The following FIRRM variants were observed in gnomAD, a reference collection of about 807,000 sequenced individuals.
The protein encoded by FIRRM is FIGNL1-interacting regulator of recombination and mitosis.
the FIRRM span, chr1:169,798,791 T>A: frequency 2.3e-6 from 1 of 439,932 alleles, no homozygotes; most frequent in East Asian, 3.9e-5. Context: ...GCCAGTAATT[T>A]GAGTCCAATT....
chr1:169,784,550 T>A, the FIRRM span, among the ~76,000 whole-genome samples: 6 of 152,354 alleles, frequency 3.9e-5, no homozygotes, highest in African/African-American at 1.2e-4. Context: ...TGTTTGTCTG[T>A]TTGCTTGCTT....
chr1:169,804,081 G>T, the FIRRM span: 2 of 1,462,436 alleles, frequency 1.4e-6, no homozygotes, highest in South Asian at 1.5e-5. Context: ...TCAGAATAGT[G>T]AATCTGTGTA....
At chr1:169,830,861 TTTTG>T in the FIRRM span, 1 of 982,312 alleles carries the variant, frequency 1.0e-6, no homozygotes, top group Non-Finnish European at 1.6e-6. Context: ...AACAAGATTG[TTTTG>T]ACAGTCTTTG....
At chr1:169,827,463 C>T in the FIRRM span, among the ~76,000 whole-genome samples, 12 of 152,186 alleles carry the variant, frequency 7.9e-5, 1 homozygote, top group East Asian at 3.9e-4. Flanking sequence ...TATGGTGAAA[C>T]GCCATCTCTA....
At chr1:169,820,747 A>G in the FIRRM span, among the ~76,000 whole-genome samples, 1 of 152,186 alleles carries the variant, frequency 6.6e-6, no homozygotes, top group Non-Finnish European at 1.5e-5. Flanking sequence ...TTGGTGCTGC[A>G]GTCTGCTTTT....
At chr1:169,852,776 T>C in the FIRRM span, 43 of 1,612,186 alleles carry the variant, frequency 2.7e-5, no homozygotes, top group Middle Eastern at 1.6e-4. Context: ...ATATTACTTA[T>C]GTTTTTTTTC....
chr1:169,851,673 A>G, the FIRRM span: 3 of 876,842 alleles, frequency 3.4e-6, no homozygotes, highest in Non-Finnish European at 5.3e-6. Flanking sequence ...AGATTATACT[A>G]AGAGTATTTA....
chr1:169,799,338 G>T, the FIRRM span, among the ~76,000 whole-genome samples: 964 of 152,258 alleles, frequency 6.3e-3, 11 homozygotes, highest in African/African-American at 0.022. Flanking sequence ...AAAGCTGATT[G>T]TCTAGGTGAT....
the FIRRM span, among the ~76,000 whole-genome samples, chr1:169,818,344 C>G: frequency 6.6e-6 from 1 of 152,188 alleles, no homozygotes; most frequent in Non-Finnish European, 1.5e-5. Context: ...CAGGCCTTAC[C>G]TAGAATCTGC....
At chr1:169,847,848 C>T in the FIRRM span, 2 of 1,313,682 alleles carry the variant, frequency 1.5e-6, no homozygotes, top group Non-Finnish European at 2.1e-6. Flanking sequence ...AACAAAATCT[C>T]TATAAGAGTT....
chr1:169,821,874 G>A, the FIRRM span: 1 of 585,910 alleles, frequency 1.7e-6, no homozygotes, highest in African/African-American at 1.9e-5. Flanking sequence ...ACTTGATCAA[G>A]TCACATATCT....
the FIRRM span, chr1:169,853,584 A>C: frequency 2.1e-6 from 2 of 934,702 alleles, no homozygotes; most frequent in Non-Finnish European, 3.3e-6. Context: ...CACAGACTGG[A>C]TAATGAGCTC....
the FIRRM span, among the ~76,000 whole-genome samples, chr1:169,847,041 G>C: frequency 1.3e-5 from 2 of 151,890 alleles, no homozygotes; most frequent in African/African-American, 4.8e-5. Flanking sequence ...CCCAAGGAGA[G>C]GGGGAGAGAC....
chr1:169,815,335 A>G, the FIRRM span, among the ~76,000 whole-genome samples: 1 of 151,734 alleles, frequency 6.6e-6, no homozygotes, highest in Admixed American at 6.6e-5. Context: ...TGGTTACTCC[A>G]TAGGTGGAGC....
the FIRRM span, chr1:169,827,594 C>A: frequency 1.8e-6 from 2 of 1,116,550 alleles, no homozygotes; most frequent in South Asian, 1.4e-5. Flanking sequence ...GCTGAGATTA[C>A]ACCACTGCAC....
At chr1:169,794,225 G>T in the FIRRM span, among the ~76,000 whole-genome samples, 3 of 152,202 alleles carry the variant, frequency 2.0e-5, no homozygotes, top group African/African-American at 4.8e-5. Context: ...CAGCTGTCTT[G>T]ATTTGTGTCC....
At chr1:169,831,377 C>T in the FIRRM span, among the ~76,000 whole-genome samples, 2 of 151,992 alleles carry the variant, frequency 1.3e-5, no homozygotes, top group African/African-American at 4.8e-5. Flanking sequence ...CTTATGTGGG[C>T]CATACATCTT....
the FIRRM span, among the ~76,000 whole-genome samples, chr1:169,840,264 G>T: frequency 1.3e-5 from 2 of 152,074 alleles, no homozygotes; most frequent in African/African-American, 4.8e-5. Flanking sequence ...GTGAAAAATG[G>T]TGTCAATAGT....
chr1:169,825,377 A>G, the FIRRM span, among the ~76,000 whole-genome samples: 59 of 152,298 alleles, frequency 3.9e-4, no homozygotes, highest in African/African-American at 1.3e-3. Flanking sequence ...TTATGTATTT[A>G]CTTGTACACT....
Sources: gnomAD v4.1 joint callset for allele counts (sites outside exome capture counted in the v4.1 genomes callset) on GRCh38, gnomAD v4.1.1 for gene constraint, MANE v1.5 for transcripts, NCBI Gene and HGNC (gene_info 2026-07-23, HGNC 2026-07-21) for gene names.